The following KDM4C variants were observed in gnomAD, a reference collection of about 807,000 sequenced individuals.
The protein encoded by KDM4C is lysine-specific demethylase 4C.
In KDM4C, 81 loss-of-function variants were observed where a neutral mutation model predicts 129.3. The observed-to-expected ratio is 0.63, with a 90% confidence interval of 0.52 to 0.75. The LOEUF (loss-of-function observed/expected upper bound fraction) is 0.75. Ranked by LOEUF, KDM4C falls within the 30% of genes least tolerant of loss-of-function variation. The probability of loss-of-function intolerance (pLI) is 0.00; values close to 1 mark genes in which losing one functional copy is unlikely to be tolerated. For missense variants in KDM4C, 1,457 were observed against 1,304.0 expected, an observed-to-expected ratio of 1.12 and a Z score of -1.81; for synonymous variants, 573 against 456.1, an observed-to-expected ratio of 1.26 and a Z score of -3.26.
chr9:7,018,599 A>G (rs186728638), intron 15 of KDM4C, among the ~76,000 whole-genome samples: 6 of 152,316 alleles, frequency 3.9e-5, no homozygotes, highest in Non-Finnish European at 7.3e-5. Flanking sequence ...TCAGCTCACC[A>G]AGGCATTAAG....
In KDM4C at chr9:7,060,454, G is replaced by GTTATTATTA. The variant is rs147100950; in HGVS notation, c.2424+11290_2424+11298dup. Among the ~76,000 whole-genome samples the GTTATTATTA allele has an allele frequency of 4.2e-3, 535 of 127,496 alleles. 1 individual carries two copies. Among genetic ancestry groups the GTTATTATTA allele is most frequent in the East Asian group, 0.012 (50 of 4,342 alleles). The allele number at this position is 127,496 out of a possible 152,430, so 83.6% of individuals were successfully genotyped here. ...GGGATGACTTTTTAGCAGTATTGTTGTTATTATTATTATTATTATTATTAT... is the reference window on the plus strand; with the variant it reads ...GGGATGACTTTTTAGCAGTATTGTTGTTATTATTATTATTATTATTATTATTATTATTAT... On this transcript the variant is annotated intron_variant, in intron 17 of 21. Transcript: ENST00000381309.
At chr9:6,795,966 CT>C (rs1182195264) in intron 2 of KDM4C, among the ~76,000 whole-genome samples, 1 of 152,180 alleles carries the variant, frequency 6.6e-6, no homozygotes, top group African/African-American at 2.4e-5. Context: ...GCCACTGCCC[CT>C]GGCCCCTTCC....
At chr9:6,840,137 A>G (rs1412911508) in intron 4 of KDM4C, among the ~76,000 whole-genome samples, 5 of 149,232 alleles carry the variant, frequency 3.4e-5, no homozygotes, top group Non-Finnish European at 7.5e-5. Context: ...CAGTGCCACA[A>G]TCATGGCTCA....
chr9:6,882,845 A>T (rs1333518759), intron 6 of KDM4C, among the ~76,000 whole-genome samples: 1 of 151,114 alleles, frequency 6.6e-6, no homozygotes, highest in East Asian at 1.9e-4. Flanking sequence ...AATTTTTTTA[A>T]TGGCTAGTAA....
At chr9:7,062,344 C>G (rs1374549943) in intron 17 of KDM4C, among the ~76,000 whole-genome samples, 1 of 151,952 alleles carries the variant, frequency 6.6e-6, no homozygotes, top group Admixed American at 6.6e-5. Flanking sequence ...GTCTTACTTT[C>G]TAGCTTCCAA....
rs114299641 is a variant in KDM4C at position 7,141,105 on chromosome 9, C to G, written c.2781+12869C>G. ...GCAGGAGGAAGCCCCCTTGGACTATCTTGAGCAGAAGTCAAAGAGATTTGT... is the reference window on the plus strand; with the variant it reads ...GCAGGAGGAAGCCCCCTTGGACTATGTTGAGCAGAAGTCAAAGAGATTTGT... On this transcript the variant is annotated intron_variant, in intron 19 of 21. Transcript: ENST00000381309. Among the ~76,000 whole-genome samples, 676 of 152,310 alleles carry G rather than the reference C, an allele frequency of 4.4e-3. 8 individuals carry two copies. The highest frequency in any genetic ancestry group is 0.015 in the African/African-American group (631 of 41,564).
At chr9:6,760,366 A>G (rs976308852) in intron 1 of KDM4C, among the ~76,000 whole-genome samples, 3 of 151,460 alleles carry the variant, frequency 2.0e-5, no homozygotes, top group African/African-American at 7.3e-5. Context: ...CATTTGTGTT[A>G]TCTCTGCTTT....
chr9:6,986,611 C>T lies in KDM4C; in HGVS notation c.1622C>T (p.Pro541Leu), dbSNP rs765315190. Reference sequence around the variant, plus strand: ...GAGAGCCATGGGAATGGCCTTGAACCTGGGGAAATCCCAGCGGTCCCCAGT... The same window carrying T: ...GAGAGCCATGGGAATGGCCTTGAACTTGGGGAAATCCCAGCGGTCCCCAGT... ...DVESHGNGLE[P>L]GEIPAVPSGE... The change falls in exon 11 of 22, where the codon CCT becomes CTT. Residue 541 changes from proline (P) to leucine (L), a missense_variant. Pro to Leu is a moderately conservative substitution (Grantham distance 98, BLOSUM62 -3). Coordinates refer to ENST00000381309, the MANE Select transcript of KDM4C (RefSeq NM_015061.6). 3.7e-6 allele frequency: 6 copies of T among 1,613,956 alleles called. No individual in the cohort carries two copies. The Admixed American group carries it at 5.0e-5, about 13-fold the overall frequency.
chr9:6,966,372 CGGG>C (rs1355794816), intron 8 of KDM4C, among the ~76,000 whole-genome samples: 1 of 152,020 alleles, frequency 6.6e-6, no homozygotes, highest in Non-Finnish European at 1.5e-5. Context: ...TTAGTAGAGA[CGGG>C]GTTTCACTGT....
intron 6 of KDM4C, among the ~76,000 whole-genome samples, chr9:6,887,691 T>G (rs1405948520): frequency 6.6e-6 from 1 of 152,240 alleles, no homozygotes. Context: ...AAATTGAAAT[T>G]TATTCCTAAA....
intron 17 of KDM4C, among the ~76,000 whole-genome samples, chr9:7,059,470 A>C (rs903616564): frequency 3.3e-5 from 5 of 152,244 alleles, no homozygotes; most frequent in African/African-American, 1.2e-4. Context: ...ACTATCTGTT[A>C]CAAATGCCTG....
At position 7,133,402 on chromosome 9, in the gene KDM4C, TA is replaced by T. The variant is rs771928814; in HGVS notation, c.2781+5167del. ...GCTATAAGGTAGTCCCAGCATCTTTTAGACTTTATAATAGCCTAGTTCCCTA... is the reference window on the plus strand; with the variant it reads ...GCTATAAGGTAGTCCCAGCATCTTTTGACTTTATAATAGCCTAGTTCCCTA... On this transcript the variant is annotated intron_variant, in intron 19 of 21. Coordinates refer to ENST00000381309, the MANE Select transcript of KDM4C (RefSeq NM_015061.6). Among the ~76,000 whole-genome samples the T allele has an allele frequency of 2.6e-4, 40 of 152,138 alleles. 1 individual carries two copies. Among genetic ancestry groups the T allele is most frequent in the Non-Finnish European group, 4.4e-5 (3 of 68,018 alleles).
chr9:6,800,824 C>T (rs977439724), intron 2 of KDM4C, among the ~76,000 whole-genome samples: 4 of 152,058 alleles, frequency 2.6e-5, no homozygotes, highest in Admixed American at 6.6e-5. Flanking sequence ...GCTGAGCTTT[C>T]GCCATGTTGC....
intron 8 of KDM4C, among the ~76,000 whole-genome samples, chr9:6,919,267 C>CT (rs1820970052): frequency 1.6e-5 from 2 of 125,560 alleles, no homozygotes; most frequent in African/African-American, 6.1e-5. Flanking sequence ...TTCTTTCTTT[C>CT]TTTCTGTCTC....
At chr9:6,780,235 A>G (rs572672762) in intron 1 of KDM4C, among the ~76,000 whole-genome samples, 1 of 152,242 alleles carries the variant, frequency 6.6e-6, no homozygotes, top group African/African-American at 2.4e-5. Flanking sequence ...AATTATGTAA[A>G]TAGATTAGCT....
At chr9:6,855,232 G>A (rs1436630250) in intron 5 of KDM4C, among the ~76,000 whole-genome samples, 6 of 151,952 alleles carry the variant, frequency 3.9e-5, no homozygotes, top group African/African-American at 1.2e-4. Context: ...AGGCTGAGGC[G>A]GGCAGATCAC....
chr9:6,912,141 G>A (rs1589063395), intron 8 of KDM4C, among the ~76,000 whole-genome samples: 1 of 152,150 alleles, frequency 6.6e-6, no homozygotes, highest in African/African-American at 2.4e-5. Context: ...CCTTCATGGT[G>A]CCTTGCTGTT....
chr9:6,951,812 G>C (rs1262008201), intron 8 of KDM4C, among the ~76,000 whole-genome samples: 2 of 152,154 alleles, frequency 1.3e-5, no homozygotes, highest in African/African-American at 4.8e-5. Flanking sequence ...ACTTCACTTA[G>C]TACTTTGTAT....
chr9:7,146,758 C>G (rs1328161988), intron 19 of KDM4C, among the ~76,000 whole-genome samples: 3 of 152,200 alleles, frequency 2.0e-5, no homozygotes, highest in Non-Finnish European at 2.9e-5. Context: ...GCGAGTCACT[C>G]TTCTCTACCA....
Sources: allele counts gnomAD v4.1 joint callset (sites outside exome capture counted in the v4.1 genomes callset), GRCh38; gene constraint gnomAD v4.1.1; transcripts MANE v1.5; gene names NCBI Gene and HGNC (gene_info 2026-07-23, HGNC 2026-07-21).